Variants in SEMA6D observed in about 807,000 individuals in gnomAD.
SEMA6D encodes the protein semaphorin 6D.
SEMA6D carries 35 observed loss-of-function variants against 106.6 expected under a neutral mutation model. That is an observed-to-expected ratio of 0.33 (90% CI 0.25 to 0.44). SEMA6D has a LOEUF of 0.44. Ranked by LOEUF, SEMA6D falls within the 20% of genes least tolerant of loss-of-function variation. The pLI is 1.00. For synonymous variants in SEMA6D, 499 were observed against 487.7 expected, an observed-to-expected ratio of 1.02 and a Z score of -0.31; for missense variants, 1,185 against 1,345.9, an observed-to-expected ratio of 0.88 and a Z score of 1.87.
intron 1 of SEMA6D, among the ~76,000 whole-genome samples, chr15:47,345,104 A>G (rs901974074): frequency 2.0e-5 from 3 of 152,190 alleles, no homozygotes; most frequent in African/African-American, 7.2e-5. Flanking sequence ...AATATACTGT[A>G]TTTATGGGTT....
intron 1 of SEMA6D, among the ~76,000 whole-genome samples, chr15:47,411,117 A>T (rs1567060741): frequency 6.6e-6 from 1 of 151,496 alleles, no homozygotes; most frequent in Non-Finnish European, 1.5e-5. Flanking sequence ...TTTTGTTTTG[A>T]CAGAGTCTCA....
intron 4 of SEMA6D, among the ~76,000 whole-genome samples, chr15:47,640,949 G>T (rs1753092619): frequency 2.0e-5 from 3 of 151,768 alleles, no homozygotes; most frequent in Non-Finnish European, 4.4e-5. Context: ...AAACCTCAAA[G>T]TCCTTCACCA....
Position 47,354,292 on chromosome 15 carries a change from TGAGA to T in SEMA6D, c.-238-58095_-238-58092del, listed in dbSNP as rs564387811. On this transcript the variant is annotated intron_variant, in intron 1 of 19. Coordinates refer to the SEMA6D transcript ENST00000558014. Reference sequence around the variant, plus strand: ...ACAAGAATTATATATATATATGGAATGAGAGAGAGCTTATATATATATATATACA... The same window carrying T: ...ACAAGAATTATATATATATATGGAATGAGAGCTTATATATATATATATACA... 1.5e-3 allele frequency among the ~76,000 whole-genome samples: 174 copies of T among 114,760 alleles called. 1 individual carries two copies. The highest frequency in any genetic ancestry group is 7.9e-3 in the African/African-American group (166 of 21,004). 75.3% of individuals were successfully genotyped at this position (114,760 alleles called of 152,430 possible). A position where few individuals can be genotyped will look rare whatever the true frequency, so the allele number is the denominator to read the frequency against.
chr15:47,494,790 A>ATATATT (rs1596149084), intron 3 of SEMA6D, among the ~76,000 whole-genome samples: 1 of 82,848 alleles, frequency 1.2e-5, no homozygotes, highest in Non-Finnish European at 2.4e-5. Context: ...ATATATATAT[A>ATATATT]ATCTCCAGAT....
chr15:47,750,474 T>C (rs2081367929), intron 1 of SEMA6D, among the ~76,000 whole-genome samples: 1 of 152,206 alleles, frequency 6.6e-6, no homozygotes, highest in African/African-American at 2.4e-5. Flanking sequence ...TCCTGGCCTC[T>C]TTCCTCTCTT....
At chr15:47,415,159 G>A (rs991295649) in intron 2 of SEMA6D, among the ~76,000 whole-genome samples, 1 of 152,062 alleles carries the variant, frequency 6.6e-6, no homozygotes, top group African/African-American at 2.4e-5. Flanking sequence ...ATTGAATGAA[G>A]GCTTACAGTT....
chr15:47,633,199 A>G (rs2077323024), intron 4 of SEMA6D, among the ~76,000 whole-genome samples: 1 of 152,094 alleles, frequency 6.6e-6, no homozygotes, highest in Non-Finnish European at 1.5e-5. Flanking sequence ...TTCTTATGTT[A>G]TATTTACTCC....
intron 1 of SEMA6D, among the ~76,000 whole-genome samples, chr15:47,217,874 TACAC>T (rs150525483): frequency 0.02 from 2,853 of 143,132 alleles, 56 homozygotes; most frequent in African/African-American, 0.028. Flanking sequence ...TGTACACACA[TACAC>T]ACACACACAC....
chr15:47,401,224 C>T (rs991672081), intron 1 of SEMA6D, among the ~76,000 whole-genome samples: 1 of 152,100 alleles, frequency 6.6e-6, no homozygotes, highest in Non-Finnish European at 1.5e-5. Flanking sequence ...GTGTACAATA[C>T]AGTCATTTTA....
chr15:47,714,780 A>G (rs1052036036), upstream of SEMA6D, among the ~76,000 whole-genome samples: 1 of 152,164 alleles, frequency 6.6e-6, no homozygotes, highest in Non-Finnish European at 1.5e-5. Flanking sequence ...GAAGGATCCA[A>G]TCTAGAGCTG....
At chr15:47,548,149 C>G (rs886496947) in intron 3 of SEMA6D, among the ~76,000 whole-genome samples, 2 of 152,102 alleles carry the variant, frequency 1.3e-5, no homozygotes, top group African/African-American at 4.8e-5. Context: ...AAGGGCTTTT[C>G]AAACTTTCCT....
chr15:47,276,911 G>T (rs2034844351), intron 1 of SEMA6D, among the ~76,000 whole-genome samples: 1 of 152,170 alleles, frequency 6.6e-6, no homozygotes, highest in African/African-American at 2.4e-5. Context: ...GAGCATTCAT[G>T]ATTCATGGGA....
chr15:47,221,028 T>C (rs1873202217), intron 1 of SEMA6D, among the ~76,000 whole-genome samples: 1 of 152,182 alleles, frequency 6.6e-6, no homozygotes, highest in East Asian at 1.9e-4. Context: ...TTTTCTGCTG[T>C]TCCTTCCCAC....
At chr15:47,223,132 A>G (rs142631688) in intron 1 of SEMA6D, among the ~76,000 whole-genome samples, 18 of 150,382 alleles carry the variant, frequency 1.2e-4, no homozygotes, top group Non-Finnish European at 2.1e-4. Context: ...GACACACCAT[A>G]GTGCTGACCA....
intron 1 of SEMA6D, among the ~76,000 whole-genome samples, chr15:47,371,474 A>G (rs1383067869): frequency 6.6e-6 from 1 of 152,106 alleles, no homozygotes; most frequent in Non-Finnish European, 1.5e-5. Context: ...TTCCACTCCA[A>G]ATTAATGAAA....
chr15:47,310,089 G>A lies in SEMA6D; in HGVS notation c.-238-102304G>A, dbSNP rs59171755. ...CTATAAATTCTAAATTTCTGGTTCT[G>A]TGTGGTGTGAGAAAGATTCTTGTGA... is the stretch of plus-strand genomic sequence containing the variant. On this transcript the variant is annotated intron_variant, in intron 1 of 19. Coordinates refer to the SEMA6D transcript ENST00000558014. Among the ~76,000 whole-genome samples, 359 of 152,326 alleles carry A rather than the reference G, an allele frequency of 2.4e-3. 2 individuals carry two copies. Among genetic ancestry groups the A allele is most frequent in the African/African-American group, 8.3e-3 (347 of 41,576 alleles).
chr15:47,386,851 T>C (rs1479518217), intron 1 of SEMA6D, among the ~76,000 whole-genome samples: 1 of 152,198 alleles, frequency 6.6e-6, no homozygotes, highest in African/African-American at 2.4e-5. Flanking sequence ...TACAGGCCAG[T>C]TGGGCTTAGA....
intron 1 of SEMA6D, among the ~76,000 whole-genome samples, chr15:47,750,163 A>T (rs1481891238): frequency 1.4e-4 from 22 of 152,140 alleles, no homozygotes. Flanking sequence ...GAGAAAGCAG[A>T]GGCAGCCTCA....
chr15:47,549,060 C>G (rs1439156710), intron 3 of SEMA6D, among the ~76,000 whole-genome samples: 1 of 152,116 alleles, frequency 6.6e-6, no homozygotes, highest in Non-Finnish European at 1.5e-5. Flanking sequence ...TCAGTTCATG[C>G]AGACCTAGGA....
Sources: gnomAD v4.1 joint callset for allele counts (sites outside exome capture counted in the v4.1 genomes callset) on GRCh38, gnomAD v4.1.1 for gene constraint, MANE v1.5 for transcripts, NCBI Gene and HGNC (gene_info 2026-07-23, HGNC 2026-07-21) for gene names.